The following NDUFA8 variants were observed in gnomAD, a reference collection of about 807,000 sequenced individuals.
The protein encoded by NDUFA8 is NADH:ubiquinone oxidoreductase subunit A8, also known as NADH dehydrogenase [ubiquinone] 1 alpha subcomplex subunit 8.
Under a neutral mutation model 20.9 loss-of-function variants are expected in NDUFA8, and 16 were observed. The observed-to-expected ratio is 0.77, with a 90% CI of 0.52 to 1.16. NDUFA8 has a LOEUF of 1.16. Among genes scored for constraint, NDUFA8 ranks in the 50% most tolerant of loss-of-function variants. NDUFA8 has a pLI of 0.00. For missense variants in NDUFA8, 202 were observed against 216.4 expected (o/e 0.93, Z 0.42); for synonymous variants, 70 against 76.1 (o/e 0.92, Z 0.41).
chr9:122,152,422 G>A lies in NDUFA8; in HGVS notation c.52-14C>T. On this transcript the variant is annotated splice_polypyrimidine_tract_variant and intron_variant, in intron 1 of 3. Coordinates refer to ENST00000373768, the MANE Select transcript of NDUFA8 (RefSeq NM_014222.3). Reference sequence around the variant, plus strand: ...ACTAATTTTCACCTAGGAAAGGAAAGATGGGACAAAGGCCACAGACTGTGA... The same window carrying A: ...ACTAATTTTCACCTAGGAAAGGAAAAATGGGACAAAGGCCACAGACTGTGA... The A allele has an allele frequency of 6.2e-7, 1 of 1,613,926 alleles. No homozygotes were observed. Among genetic ancestry groups the A allele is most frequent in the Non-Finnish European group, 8.5e-7 (1 of 1,179,916 alleles).
At chr9:122,137,358 C>A in the NDUFA8 span, among the ~76,000 whole-genome samples, 1 of 145,346 alleles carries the variant, frequency 6.9e-6, no homozygotes. Flanking sequence ...TCTCCTGTCT[C>A]AGCCTCTGGG....
intron 1 of NDUFA8, among the ~76,000 whole-genome samples, chr9:122,155,241 G>A (rs995718676): frequency 1.6e-4 from 24 of 152,060 alleles, no homozygotes; most frequent in African/African-American, 4.6e-4. Flanking sequence ...CACCACACCC[G>A]GCTAATTTTG....
At chr9:122,153,938 G>T (rs1829040368) in intron 1 of NDUFA8, among the ~76,000 whole-genome samples, 2 of 152,302 alleles carry the variant, frequency 1.3e-5, no homozygotes, top group South Asian at 4.1e-4. Flanking sequence ...GGTCACTCAT[G>T]TGGTCTGGTC....
chr9:122,141,189 G>A (rs10217215), downstream of NDUFA8, among the ~76,000 whole-genome samples: 1,515 of 152,290 alleles, frequency 9.9e-3, 27 homozygotes, highest in African/African-American at 0.035. Context: ...AGATAATGAT[G>A]GGGAAATGGG....
Position 122,148,097 on chromosome 9 carries a change from C to A in NDUFA8, c.381+15G>T, listed in dbSNP as rs1410987393. On this transcript the variant is annotated intron_variant, in intron 3 of 3. Transcript: ENST00000373768. ...CTGAATCAGAAAGTGAGACCTCCAG[C>A]AGAAGCCTTTTTACCTTTGACAGTT... 6.2e-7 allele frequency: 1 copy of A among 1,613,888 alleles called. No individual in the cohort carries two copies. Among genetic ancestry groups the A allele is most frequent in the Non-Finnish European group, 8.5e-7 (1 of 1,180,012 alleles).
chr9:122,147,979 TA>T, intron 3 of NDUFA8, 132 bp downstream of exon 3: 1 of 1,116,376 alleles, frequency 9.0e-7, no homozygotes, highest in African/African-American at 1.5e-5. Flanking sequence ...AATCACTGCC[TA>T]ATTAATATGT....
intron 3 of NDUFA8, among the ~76,000 whole-genome samples, chr9:122,145,527 TG>T (rs1828893038): frequency 6.6e-6 from 1 of 152,354 alleles, no homozygotes; most frequent in South Asian, 2.1e-4. Flanking sequence ...TCATGTAAAA[TG>T]ACCAGATTCA....
chr9:122,138,654 C>T, the NDUFA8 span, among the ~76,000 whole-genome samples: 3 of 152,078 alleles, frequency 2.0e-5, no homozygotes, highest in South Asian at 2.1e-4. Context: ...CACTATGTGT[C>T]GGCTGCTGTT....
intron 2 of NDUFA8, among the ~76,000 whole-genome samples, chr9:122,149,506 A>G (rs1325922917): frequency 1.3e-5 from 2 of 152,198 alleles, no homozygotes; most frequent in Admixed American, 1.3e-4. Context: ...ACCCATACCT[A>G]ACAATTATCT....
intron 2 of NDUFA8, among the ~76,000 whole-genome samples, chr9:122,151,032 G>A (rs1588293360): frequency 6.7e-6 from 1 of 150,154 alleles, no homozygotes; most frequent in Admixed American, 6.6e-5. Flanking sequence ...TTCGAAGAGT[G>A]TTTCCAATAA....
chr9:122,150,971 CAAAAAAAAA>C (rs71508152), intron 2 of NDUFA8, among the ~76,000 whole-genome samples: 1 of 50,416 alleles, frequency 2.0e-5, no homozygotes, highest in Non-Finnish European at 3.2e-5. Flanking sequence ...GACTCCGTCT[CAAAAAAAAA>C]AAAAAAAAAA....
chr9:122,141,698 A>G (rs1828823027), downstream of NDUFA8, among the ~76,000 whole-genome samples: 1 of 152,192 alleles, frequency 6.6e-6, no homozygotes, highest in African/African-American at 2.4e-5. Flanking sequence ...CCTGTTCAGG[A>G]ATCCTTCCCA....
At chr9:122,144,973 G>A (rs1828880581) in intron 3 of NDUFA8, among the ~76,000 whole-genome samples, 1 of 152,176 alleles carries the variant, frequency 6.6e-6, no homozygotes, top group Non-Finnish European at 1.5e-5. Flanking sequence ...AAATGATGCT[G>A]AGCACATGAT....
Position 122,159,756 on chromosome 9 carries a change from G to C in NDUFA8, c.-79C>G, listed in dbSNP as rs1033816668. 3.7e-6 allele frequency: 6 copies of C among 1,601,442 alleles called. No homozygotes were observed. The highest frequency in any genetic ancestry group is 5.1e-6 in the Non-Finnish European group (6 of 1,169,812). On this transcript the variant is annotated 5_prime_UTR_variant, in exon 1 of 4. Coordinates refer to ENST00000373768, the MANE Select transcript of NDUFA8 (RefSeq NM_014222.3). ...TCCTTGAACTCCCCTTTCGACCGCC[G>C]AGTGCCACACGGCGCCTGCGCATGC...
At chr9:122,151,580 T>C (rs969298018) in intron 2 of NDUFA8, among the ~76,000 whole-genome samples, 2 of 152,124 alleles carry the variant, frequency 1.3e-5, no homozygotes, top group Non-Finnish European at 2.9e-5. Flanking sequence ...AAACCAGAAC[T>C]AAGAGATTGT....
At chr9:122,156,205 T>C (rs1588295696) in intron 1 of NDUFA8, among the ~76,000 whole-genome samples, 1 of 152,194 alleles carries the variant, frequency 6.6e-6, no homozygotes, top group Non-Finnish European at 1.5e-5. Flanking sequence ...CATTCAGATC[T>C]CTTTGTCTCA....
At position 122,152,806 on chromosome 9, in the gene NDUFA8, A is replaced by G. The variant is rs560878258; in HGVS notation, c.52-398T>C. Among the ~76,000 whole-genome samples the G allele has an allele frequency of 7.9e-5, 12 of 152,284 alleles. No homozygotes were observed. The South Asian group carries it at 2.5e-3, about 32-fold the overall frequency. On this transcript the variant is annotated intron_variant, in intron 1 of 3. Transcript: ENST00000373768. Reference sequence around the variant, plus strand: ...TCACTTTTACAATAGTCTCATGAAGAGATTAATATTCCCATTTTAGAGCAG... The same window carrying G: ...TCACTTTTACAATAGTCTCATGAAGGGATTAATATTCCCATTTTAGAGCAG...
intron 3 of NDUFA8, among the ~76,000 whole-genome samples, chr9:122,146,123 G>C (rs896059150): frequency 1.3e-5 from 2 of 152,112 alleles, no homozygotes; most frequent in African/African-American, 4.8e-5. Context: ...TCCAGCCTGG[G>C]TGACAGAGTG....
At chr9:122,148,644 TTAAA>T (rs1406735926) in intron 2 of NDUFA8, among the ~76,000 whole-genome samples, 1 of 152,060 alleles carries the variant, frequency 6.6e-6, no homozygotes, top group African/African-American at 2.4e-5. Flanking sequence ...GGAGGCATAA[TTAAA>T]TAATGGACAT....
Sources: allele counts gnomAD v4.1 joint callset (sites outside exome capture counted in the v4.1 genomes callset), GRCh38; gene constraint gnomAD v4.1.1; transcripts MANE v1.5; gene names NCBI Gene and HGNC (gene_info 2026-07-23, HGNC 2026-07-21).